Variants in CTDSPL observed in about 807,000 individuals in gnomAD.
CTDSPL encodes CTD small phosphatase like.
A neutral mutation model predicts 30.5 loss-of-function variants in CTDSPL; 8 were observed. The observed-to-expected ratio is 0.26, with a 90% CI of 0.15 to 0.47. The LOEUF is 0.47. CTDSPL is among the 20% of genes least tolerant of loss of function. CTDSPL has a pLI of 0.99. For missense variants in CTDSPL, 248 were observed against 366.1 expected (o/e 0.68, Z 2.63); for synonymous variants, 110 against 137.9 (o/e 0.80, Z 1.42).
intron 1 of CTDSPL, among the ~76,000 whole-genome samples, chr3:37,938,805 C>T (rs970514219): frequency 2.7e-5 from 4 of 149,266 alleles, no homozygotes; most frequent in South Asian, 2.2e-4. Context: ...CTCAGCCTCC[C>T]GAGTAGCTGG....
chr3:37,938,794 C>T (rs1432080225), intron 1 of CTDSPL, among the ~76,000 whole-genome samples: 3 of 149,334 alleles, frequency 2.0e-5, no homozygotes, highest in Admixed American at 1.3e-4. Context: ...GATTCTCCTC[C>T]CTCAGCCTCC....
chr3:37,883,662 G>A (rs1231479901), intron 1 of CTDSPL, among the ~76,000 whole-genome samples: 1 of 152,336 alleles, frequency 6.6e-6, no homozygotes, highest in East Asian at 1.9e-4. Context: ...AACAGGTGGT[G>A]TTACTTCTTC....
chr3:37,940,005 T>C lies in CTDSPL; in HGVS notation c.80-7052T>C, dbSNP rs981845524. The stretch of plus-strand genomic sequence containing the variant: ...TACTCAGGAGGGTGAGGCAGGAGAA[T>C]CACTTGAACCCGGGAGGCAGAGGTT... On this transcript the variant is annotated intron_variant, in intron 1 of 7. Coordinates refer to ENST00000273179, the MANE Select transcript of CTDSPL (RefSeq NM_001008392.2). Among the ~76,000 whole-genome samples the C allele has an allele frequency of 2.7e-5, 4 of 149,712 alleles. 1 individual carries two copies. Among genetic ancestry groups the C allele is most frequent in the Non-Finnish European group, 6.0e-5 (4 of 66,860 alleles).
At chr3:37,914,152 C>T (rs1457288146) in intron 1 of CTDSPL, among the ~76,000 whole-genome samples, 2 of 152,062 alleles carry the variant, frequency 1.3e-5, no homozygotes, top group Admixed American at 6.5e-5. Flanking sequence ...GGTCTTGTTA[C>T]ATATTTTTAT....
chr3:37,906,100 C>T (rs1423490371), intron 1 of CTDSPL, among the ~76,000 whole-genome samples: 1 of 152,212 alleles, frequency 6.6e-6, no homozygotes, highest in African/African-American at 2.4e-5. Context: ...CACATCTACT[C>T]TCTGTCCTAC....
rs1378163601 is a variant in CTDSPL at position 37,934,984 on chromosome 3, G to A, written c.80-12073G>A. ...AGAGCTTGTACAGACATTCATTACCGACTTACAGACATAGGGTATGTGTGC... is the reference window on the plus strand; with the variant it reads ...AGAGCTTGTACAGACATTCATTACCAACTTACAGACATAGGGTATGTGTGC... On this transcript the variant is annotated intron_variant, in intron 1 of 7. Coordinates refer to ENST00000273179, the MANE Select transcript of CTDSPL (RefSeq NM_001008392.2). Among the ~76,000 whole-genome samples, 9 of 152,192 alleles carry A rather than the reference G, an allele frequency of 5.9e-5. No homozygotes were observed. In the South Asian group the frequency reaches 6.2e-4, roughly 11 times the overall value.
At chr3:37,864,037 C>G (rs890694496) in intron 1 of CTDSPL, among the ~76,000 whole-genome samples, 2 of 152,144 alleles carry the variant, frequency 1.3e-5, no homozygotes, top group Admixed American at 1.3e-4. Flanking sequence ...GCTGTTAGTT[C>G]TTGGAGCCCT....
chr3:37,895,671 A>AT (rs1698382874), intron 1 of CTDSPL, among the ~76,000 whole-genome samples: 1 of 152,214 alleles, frequency 6.6e-6, no homozygotes, highest in Admixed American at 6.5e-5. Flanking sequence ...CCAGGTAGTT[A>AT]TTTTTTATAT....
intron 1 of CTDSPL, among the ~76,000 whole-genome samples, chr3:37,924,669 C>T (rs1342536756): frequency 6.6e-6 from 1 of 152,184 alleles, no homozygotes; most frequent in Admixed American, 6.5e-5. Context: ...TTTGGGGCAT[C>T]CTGCCGGAGA....
intron 1 of CTDSPL, among the ~76,000 whole-genome samples, chr3:37,912,830 C>G (rs1371664694): frequency 6.6e-6 from 1 of 152,188 alleles, no homozygotes; most frequent in Non-Finnish European, 1.5e-5. Flanking sequence ...TCATCATAGC[C>G]CAACAAAGCT....
chr3:37,947,043 G>C lies in CTDSPL; in HGVS notation c.80-14G>C. On this transcript the variant is annotated splice_polypyrimidine_tract_variant and intron_variant, in intron 1 of 7. Transcript: ENST00000273179. ...GCTGCAGTTGGCCATAGTGTGCTCT[G>C]TTTCTGTTTCCAGCCTCCCAGTGCA... is the stretch of plus-strand genomic sequence containing the variant. The C allele has an allele frequency of 6.2e-7, 1 of 1,611,256 alleles. No individual in the cohort carries two copies.
chr3:37,932,879 G>T (rs554976986), intron 1 of CTDSPL, among the ~76,000 whole-genome samples: 2 of 152,212 alleles, frequency 1.3e-5, no homozygotes, highest in African/African-American at 4.8e-5. Flanking sequence ...CTGGCTGGGC[G>T]CAGTGGCTCA....
chr3:37,975,719 C>T lies in CTDSPL; in HGVS notation c.530C>T (p.Pro177Leu), dbSNP rs1243787618. The stretch of plus-strand genomic sequence containing the variant: ...ACACGTCTTTTCCAGTATGCAGACC[C>T]TGTGGCTGACCTCCTAGACCGCTGG... Reference protein sequence around the residue: ...FTASLAKYADPVADLLDRWGV... With the variant: ...FTASLAKYADLVADLLDRWGV... Residue 177 changes from proline (P) to leucine (L), a missense_variant, in exon 7 of 8, where the codon CCT becomes CTT. Pro to Leu is a moderately conservative substitution (Grantham distance 98). This residue lies in a region of CTDSPL where 84 missense variants were observed against 139.4 expected (regional missense o/e 0.60). Transcript: ENST00000273179. This position sits in a 1 kb window ranked among gnomAD's most constrained non-coding sequence, Gnocchi z 4.9. The T allele has an allele frequency of 6.2e-7, 1 of 1,613,478 alleles. No homozygotes were observed. Among genetic ancestry groups the T allele is most frequent in the Admixed American group, 1.7e-5 (1 of 59,994 alleles).
At chr3:37,904,835 A>G (rs1482016188) in intron 1 of CTDSPL, among the ~76,000 whole-genome samples, 4 of 152,130 alleles carry the variant, frequency 2.6e-5, no homozygotes, top group African/African-American at 7.2e-5. Context: ...CTTAAATGCA[A>G]TATTACAGCA....
chr3:37,978,432 C>T (rs1193118381), intron 7 of CTDSPL, among the ~76,000 whole-genome samples: 2 of 152,078 alleles, frequency 1.3e-5, no homozygotes, highest in Admixed American at 1.3e-4. Flanking sequence ...GGGATGGAAC[C>T]AAGTCTAAAC....
chr3:37,927,263 T>A (rs1698791077), intron 1 of CTDSPL, among the ~76,000 whole-genome samples: 1 of 152,130 alleles, frequency 6.6e-6, no homozygotes, highest in Admixed American at 6.5e-5. Context: ...TGCTCAAAGA[T>A]GGTGGGTCAA....
intron 1 of CTDSPL, among the ~76,000 whole-genome samples, chr3:37,931,001 C>G (rs1698847336): frequency 6.6e-6 from 1 of 152,088 alleles, no homozygotes; most frequent in African/African-American, 2.4e-5. Context: ...TACTTTTGCT[C>G]TCTTTTTTTT....
intron 1 of CTDSPL, among the ~76,000 whole-genome samples, chr3:37,905,031 C>T (rs1328238898): frequency 1.3e-5 from 2 of 152,172 alleles, no homozygotes; most frequent in African/African-American, 2.4e-5. Context: ...GCTGCCTCTC[C>T]GAGTCTTGTT....
At chr3:37,918,713 G>A (rs551747424) in intron 1 of CTDSPL, among the ~76,000 whole-genome samples, 1 of 152,216 alleles carries the variant, frequency 6.6e-6, no homozygotes, top group African/African-American at 2.4e-5. Flanking sequence ...GTAGAGTTTT[G>A]TTTTGTGCTT....
Sources: allele counts gnomAD v4.1 joint callset (sites outside exome capture counted in the v4.1 genomes callset), GRCh38; gene constraint gnomAD v4.1.1; regional missense constraint gnomAD v4.1.1; non-coding constraint Gnocchi (gnomAD v3.1); transcripts MANE v1.5; gene names NCBI Gene and HGNC (gene_info 2026-07-23, HGNC 2026-07-21).